The following HABP4 variants were observed in gnomAD, a reference collection of about 807,000 sequenced individuals.
The protein encoded by HABP4 is hyaluronan binding protein 4, also known as intracellular hyaluronan-binding protein 4.
Under a neutral mutation model 44.1 loss-of-function variants are expected in HABP4, and 32 were observed. The observed-to-expected ratio is 0.73, with a 90% CI of 0.55 to 0.97. HABP4 has a LOEUF of 0.97. Among genes scored for constraint, HABP4 ranks in the 50% least tolerant of loss-of-function variants. The pLI is 0.00. For missense variants in HABP4, 503 were observed against 561.9 expected (o/e 0.90, Z 1.06); for synonymous variants, 216 against 218.0 (o/e 0.99, Z 0.08).
At chr9:96,467,054 G>C (rs1248691338) in intron 4 of HABP4, among the ~76,000 whole-genome samples, 1 of 151,646 alleles carries the variant, frequency 6.6e-6, no homozygotes, top group African/African-American at 2.4e-5. Flanking sequence ...TCCCAGGTAG[G>C]TGGGACTACA....
In HABP4 at chr9:96,450,203, C is replaced by T; in HGVS notation, c.-77C>T. 1 of 1,227,312 alleles carries T rather than the reference C, an allele frequency of 8.1e-7. No individual in the cohort carries two copies. 76.0% of individuals were successfully genotyped at this position (1,227,312 alleles called of 1,614,324 possible). On this transcript the variant is annotated 5_prime_UTR_variant, in exon 1 of 8. Coordinates refer to ENST00000375249, the MANE Select transcript of HABP4 (RefSeq NM_014282.4). This position sits in a 1 kb window ranked among gnomAD's most constrained non-coding sequence, Gnocchi z 4.8. ...AGGGCGGTGGCGGCGGAGCGGGCGG[C>T]ATGGGTCCTGGCCGCCGGCTTCGCT... is the stretch of plus-strand genomic sequence containing the variant.
chr9:96,488,400 T>G lies in HABP4; in HGVS notation c.1185+126T>G. ...CTTCTTTCTGTAGCTAGTGTGGGAC[T>G]GATGTTGGGGCATTTGGACGGTGTT... is the stretch of plus-strand genomic sequence containing the variant. On this transcript the variant is annotated intron_variant, in intron 7 of 7. Coordinates refer to ENST00000375249, the MANE Select transcript of HABP4 (RefSeq NM_014282.4). The surrounding 1 kb of genome is among the most constrained non-coding windows in gnomAD (Gnocchi z 4.6). 1 of 636,932 alleles carries G rather than the reference T, an allele frequency of 1.6e-6. No homozygotes were observed. The highest frequency in any genetic ancestry group is 2.1e-5 in the South Asian group (1 of 48,042). The allele number at this position is 636,932 out of a possible 1,614,324, so 39.5% of individuals were successfully genotyped here.
At chr9:96,459,246 A>G (rs1392597871) in intron 2 of HABP4, among the ~76,000 whole-genome samples, 1 of 152,206 alleles carries the variant, frequency 6.6e-6, no homozygotes, top group Non-Finnish European at 1.5e-5. Context: ...TAGACTGCTC[A>G]ATGGATTGAA....
In HABP4 at chr9:96,478,549, T is replaced by C. The variant is rs111510692; in HGVS notation, c.828-5913T>C. Reference sequence around the variant, plus strand: ...GCGTATATTTCACTTTGTAAGAAGCTGCTGAACTCTTTTCCAACATCCTTG... The same window carrying C: ...GCGTATATTTCACTTTGTAAGAAGCCGCTGAACTCTTTTCCAACATCCTTG... On this transcript the variant is annotated intron_variant, in intron 5 of 7. Coordinates refer to ENST00000375249, the MANE Select transcript of HABP4 (RefSeq NM_014282.4). Among the ~76,000 whole-genome samples, 394 of 152,326 alleles carry C rather than the reference T, an allele frequency of 2.6e-3. 3 individuals are homozygous for C. Among genetic ancestry groups the C allele is most frequent in the African/African-American group, 9.2e-3 (384 of 41,576 alleles).
At chr9:96,469,723 A>G (rs940414565) in intron 4 of HABP4, among the ~76,000 whole-genome samples, 3 of 152,086 alleles carry the variant, frequency 2.0e-5, no homozygotes, top group Non-Finnish European at 4.4e-5. Context: ...GTGTTTCACC[A>G]TGTTGGCCAG....
intron 6 of HABP4, among the ~76,000 whole-genome samples, chr9:96,485,489 G>A (rs974207574): frequency 6.6e-6 from 1 of 152,240 alleles, no homozygotes; most frequent in African/African-American, 2.4e-5. Context: ...TTGGCTGCTC[G>A]GTCAGGCACT....
chr9:96,458,719 T>G (rs962951376), intron 2 of HABP4, among the ~76,000 whole-genome samples, 178 bp downstream of exon 2: 21 of 149,964 alleles, frequency 1.4e-4, no homozygotes, highest in Non-Finnish European at 2.8e-4. Flanking sequence ...CGCTCCCGGG[T>G]TCAAGCAATT....
rs1424094322 is a variant in HABP4, at chr9:96,490,048, G to A, written c.*10G>A. 2 of 1,572,318 alleles carry A rather than the reference G, an allele frequency of 1.3e-6. No homozygotes were observed. Among genetic ancestry groups the A allele is most frequent in the South Asian group, 2.2e-5 (2 of 90,306 alleles). On this transcript the variant is annotated 3_prime_UTR_variant, in exon 8 of 8. Coordinates refer to ENST00000375249, the MANE Select transcript of HABP4 (RefSeq NM_014282.4). ...CCCTGCGCTGTCTTGAAAGAGCCCTGTTTCCCAGCACCGCGGAGCTGCACT... is the reference window on the plus strand; with the variant it reads ...CCCTGCGCTGTCTTGAAAGAGCCCTATTTCCCAGCACCGCGGAGCTGCACT...
rs1347135134 is a variant in HABP4 at position 96,456,811 on chromosome 9, A to C, written c.350-1568A>C. 2.2e-3 allele frequency among the ~76,000 whole-genome samples: 278 copies of C among 125,876 alleles called. 4 individuals are homozygous for C. The highest frequency in any genetic ancestry group is 3.5e-3 in the Non-Finnish European group (215 of 60,582). The allele number at this position is 125,876 out of a possible 152,430, so 82.6% of individuals were successfully genotyped here. ...TATATATATATATATATATATATATATATATATATATCCATTAACTTGAAT... is the reference window on the plus strand; with the variant it reads ...TATATATATATATATATATATATATCTATATATATATCCATTAACTTGAAT... On this transcript the variant is annotated intron_variant, in intron 1 of 7. Coordinates refer to ENST00000375249, the MANE Select transcript of HABP4 (RefSeq NM_014282.4).
chr9:96,465,693 ATTC>A lies in HABP4; in HGVS notation c.675-14_675-12del, dbSNP rs1564162406. The A allele has an allele frequency of 6.4e-7, 1 of 1,553,674 alleles. No individual in the cohort carries two copies. The highest frequency in any genetic ancestry group is 1.7e-5 in the Admixed American group (1 of 59,904). On this transcript the variant is annotated splice_polypyrimidine_tract_variant and intron_variant, in intron 3 of 7. Transcript: ENST00000375249. Reference sequence around the variant, plus strand: ...AGACTAGCTTCTGGTTTAAGGGACTATTCTTTCTTTCCGTAGAGCAGTCAGAAC... The same window carrying A: ...AGACTAGCTTCTGGTTTAAGGGACTATTTCTTTCCGTAGAGCAGTCAGAAC...
At position 96,450,606 on chromosome 9, in the gene HABP4, CG is replaced by C. The variant is rs760079841; in HGVS notation, c.332del (p.Gly111AlafsTer72). ...CCGTCGCTCAGCGGCCCGATAGCCC[CG>C]GGGGCGGCCTGCAGGCGCCGGGTAC... ...APVAQRPDSPGGGLQAPGQKR... is the reference protein window; with the variant it reads ...APVAQRPDSPXGGLQAPGQKR... On this transcript the variant is annotated frameshift_variant, in exon 1 of 8. Coordinates refer to ENST00000375249, the MANE Select transcript of HABP4 (RefSeq NM_014282.4). LOFTEE classifies it high-confidence loss of function. The surrounding 1 kb of genome is among the most constrained non-coding windows in gnomAD (Gnocchi z 4.8). 27 of 1,270,752 alleles carry C rather than the reference CG, an allele frequency of 2.1e-5. No homozygotes were observed. In the South Asian group the frequency reaches 3.0e-4, roughly 14 times the overall value. 78.7% of individuals were successfully genotyped at this position (1,270,752 alleles called of 1,614,324 possible). A position where few individuals can be genotyped will look rare whatever the true frequency, so the allele number is the denominator to read the frequency against.
At chr9:96,451,430 C>T (rs1832275635) in intron 1 of HABP4, 1 of 979,854 alleles carries the variant, frequency 1.0e-6, no homozygotes. Context: ...AGTGGCAGAG[C>T]CAGCAACACT....
At chr9:96,470,259 T>C (rs1397161340) in intron 4 of HABP4, among the ~76,000 whole-genome samples, 1 of 152,054 alleles carries the variant, frequency 6.6e-6, no homozygotes, top group Non-Finnish European at 1.5e-5. Context: ...CAGTGAGCTG[T>C]GATGGCGCCA....
Position 96,490,061 on chromosome 9 carries a change from G to T in HABP4, c.*23G>T, listed in dbSNP as rs778261333. 3 of 1,499,880 alleles carry T rather than the reference G, an allele frequency of 2.0e-6. No homozygotes were observed. Among genetic ancestry groups the T allele is most frequent in the Admixed American group, 1.7e-5 (1 of 59,864 alleles). 92.9% of individuals were successfully genotyped at this position (1,499,880 alleles called of 1,614,324 possible). On this transcript the variant is annotated 3_prime_UTR_variant, in exon 8 of 8. Transcript: ENST00000375249. ...TGAAAGAGCCCTGTTTCCCAGCACC[G>T]CGGAGCTGCACTGCACACCTGTGGG...
chr9:96,489,059 C>T (rs1833029201), intron 7 of HABP4, among the ~76,000 whole-genome samples: 1 of 152,130 alleles, frequency 6.6e-6, no homozygotes. Context: ...GGCACAGACC[C>T]CTTCTCTGTG....
At chr9:96,459,507 T>G (rs1832462857) in intron 2 of HABP4, among the ~76,000 whole-genome samples, 1 of 152,202 alleles carries the variant, frequency 6.6e-6, no homozygotes, top group Non-Finnish European at 1.5e-5. Flanking sequence ...GCTTAAAGTC[T>G]TTGTTTAATC....
chr9:96,462,447 C>T (rs1420942252), intron 2 of HABP4, among the ~76,000 whole-genome samples: 1 of 150,682 alleles, frequency 6.6e-6, no homozygotes, highest in Non-Finnish European at 1.5e-5. Flanking sequence ...GAGACTCTGT[C>T]TCTAAAAAAA....
chr9:96,450,313 G>A lies in HABP4; in HGVS notation c.34G>A (p.Ala12Thr). ...CGCTCTGGGGAGTCCCGTGGCTGCC[G>A]CTGGCGCCGCGATGCAGGAGAGTTT... is the stretch of plus-strand genomic sequence containing the variant. ...KGALGSPVAAAGAAMQESFGC... is the reference protein window; with the variant it reads ...KGALGSPVAATGAAMQESFGC... Residue 12 changes from alanine to threonine, a missense_variant, in exon 1 of 8, where the codon GCT (alanine) becomes ACT (threonine). Ala to Thr is a moderately conservative substitution (Grantham distance 58, BLOSUM62 0). This residue lies in a region of HABP4 where 290 missense variants were observed against 300.5 expected (regional missense o/e 0.97). Transcript: ENST00000375249. The surrounding 1 kb of genome is among the most constrained non-coding windows in gnomAD (Gnocchi z 4.8). The A allele has an allele frequency of 1.4e-6, 2 of 1,467,670 alleles. No homozygotes were observed. The highest frequency in any genetic ancestry group is 1.8e-6 in the Non-Finnish European group (2 of 1,100,988). The allele number at this position is 1,467,670 out of a possible 1,614,324, so 90.9% of individuals were successfully genotyped here.
At chr9:96,486,929 G>A (rs1419667393) in intron 6 of HABP4, among the ~76,000 whole-genome samples, 3 of 152,020 alleles carry the variant, frequency 2.0e-5, no homozygotes, top group Non-Finnish European at 4.4e-5. Flanking sequence ...ACTCAGAGCA[G>A]GGACCCCAGG....
Sources: gnomAD v4.1 joint callset for allele counts (sites outside exome capture counted in the v4.1 genomes callset) on GRCh38, gnomAD v4.1.1 for gene constraint, gnomAD v4.1.1 regional missense constraint, Gnocchi (gnomAD v3.1) non-coding constraint, MANE v1.5 for transcripts, NCBI Gene and HGNC (gene_info 2026-07-23, HGNC 2026-07-21) for gene names.